Variants in ZFHX3 observed in about 807,000 individuals in gnomAD.
ZFHX3 encodes the protein zinc finger homeobox 3.
In ZFHX3, 42 loss-of-function variants were observed where a neutral mutation model predicts 279.1. The ratio of observed to expected loss-of-function variants is 0.15; its 90% confidence interval spans 0.12 to 0.19. The LOEUF is 0.19. Among genes scored for constraint, ZFHX3 ranks in the 10% least tolerant of loss-of-function variants. The probability of loss-of-function intolerance (pLI) is 1.00; values close to 1 mark genes in which losing one functional copy is unlikely to be tolerated. For missense variants in ZFHX3, 4,981 were observed against 4,754.0 expected, an observed-to-expected ratio of 1.05 and a Z score of -1.40; for synonymous variants, 2,293 against 1,957.8, an observed-to-expected ratio of 1.17 and a Z score of -4.52.
intron 2 of ZFHX3, among the ~76,000 whole-genome samples, chr16:73,458,797 A>T (rs1276170344): frequency 2.6e-5 from 4 of 152,182 alleles, no homozygotes; most frequent in African/African-American, 9.7e-5. Flanking sequence ...TCTGCTCTGT[A>T]AACTCTTTTC....
intron 1 of ZFHX3, among the ~76,000 whole-genome samples, chr16:73,039,702 T>C (rs918199726): frequency 6.6e-6 from 1 of 151,858 alleles, no homozygotes; most frequent in African/African-American, 2.4e-5. Flanking sequence ...TCTTTTTTTA[T>C]TTTTTTATTT....
At chr16:73,256,215 T>C (rs887571032) in intron 5 of ZFHX3, among the ~76,000 whole-genome samples, 2 of 152,080 alleles carry the variant, frequency 1.3e-5, no homozygotes, top group Non-Finnish European at 2.9e-5. Flanking sequence ...CCAATGAGCC[T>C]ACACCAGACA....
At chr16:73,688,922 C>T (rs1374757173) in intron 1 of ZFHX3, among the ~76,000 whole-genome samples, 1 of 152,144 alleles carries the variant, frequency 6.6e-6, no homozygotes, top group Non-Finnish European at 1.5e-5. Context: ...TGCCTTTCAC[C>T]TTCCACCATG....
chr16:72,877,684 A>C (rs1450495379), intron 4 of ZFHX3, among the ~76,000 whole-genome samples: 2 of 152,180 alleles, frequency 1.3e-5, no homozygotes, highest in African/African-American at 2.4e-5. Flanking sequence ...TAGAAAAAAA[A>C]CTTCTGATCC....
intron 2 of ZFHX3, among the ~76,000 whole-genome samples, chr16:73,626,228 G>A (rs2052415270): frequency 6.6e-6 from 1 of 152,064 alleles, no homozygotes; most frequent in African/African-American, 2.4e-5. Flanking sequence ...CAAATCTGTT[G>A]GTTTTCACTT....
At chr16:73,158,181 G>C (rs569893217) in intron 5 of ZFHX3, among the ~76,000 whole-genome samples, 1 of 152,254 alleles carries the variant, frequency 6.6e-6, no homozygotes, top group East Asian at 1.9e-4. Context: ...AGCAGCCCCG[G>C]CATTTACCAC....
intron 1 of ZFHX3, among the ~76,000 whole-genome samples, chr16:73,798,118 C>A (rs958941831): frequency 6.6e-6 from 1 of 152,026 alleles, no homozygotes; most frequent in Non-Finnish European, 1.5e-5. Flanking sequence ...CCTTCTGAGA[C>A]TTTCAGTAAC....
At chr16:73,586,279 C>G (rs1221315188) in intron 2 of ZFHX3, among the ~76,000 whole-genome samples, 1 of 149,876 alleles carries the variant, frequency 6.7e-6, no homozygotes, top group Non-Finnish European at 1.5e-5. Context: ...ATCCCAGCTA[C>G]TCAGGAGGCT....
chr16:72,797,480 TTGTTGTTGCTGTTGCTGCTGC>T lies in ZFHX3; in HGVS notation c.5181_5201del (p.Gln1735_Gln1741del), dbSNP rs1416683043. ...GTGCTTGTTGTTGTTGTTGTTGTTG[TTGTTGTTGCTGTTGCTGCTGC>T]TGTTGTTGCTGCTGCCTGGATGCAA... On this transcript the variant is annotated inframe_deletion, in exon 9 of 10. Coordinates refer to ENST00000268489, the MANE Select transcript of ZFHX3 (RefSeq NM_006885.4). 5.0e-6 allele frequency: 8 copies of T among 1,613,170 alleles called. No homozygotes were observed. Among genetic ancestry groups the T allele is most frequent in the East Asian group, 2.2e-5 (1 of 44,864 alleles).
At chr16:73,488,387 C>T (rs771449535) in intron 2 of ZFHX3, among the ~76,000 whole-genome samples, 29 of 152,020 alleles carry the variant, frequency 1.9e-4, no homozygotes, top group South Asian at 4.2e-4. Context: ...TAAAGGAAGG[C>T]GAGAGTGATG....
intron 3 of ZFHX3, among the ~76,000 whole-genome samples, chr16:73,384,130 C>G (rs2016859847): frequency 1.3e-5 from 2 of 152,224 alleles, no homozygotes; most frequent in African/African-American, 4.8e-5. Context: ...ATGTCAGATG[C>G]TCTTGGCCAG....
Position 72,783,583 on chromosome 16 carries a change from G to GTAAT in ZFHX3, c.*3577_*3580dup, listed in dbSNP as rs1337145959. Reference sequence around the variant, plus strand: ...CCACATTCATCTCTTTAAATAGCTTGTAATTAAAAAAAAAATTCCTAGATG... The same window carrying GTAAT: ...CCACATTCATCTCTTTAAATAGCTTGTAATTAATTAAAAAAAAAATTCCTAGATG... On this transcript the variant is annotated 3_prime_UTR_variant, in exon 10 of 10. Coordinates refer to ENST00000268489, the MANE Select transcript of ZFHX3 (RefSeq NM_006885.4). 6.6e-6 allele frequency: 1 copy of GTAAT among 151,896 alleles called. No homozygotes were observed. The highest frequency in any genetic ancestry group is 1.9e-4 in the East Asian group (1 of 5,150). 9.4% of individuals were successfully genotyped at this position (151,896 alleles called of 1,614,324 possible).
rs74030219 is a variant in ZFHX3 at position 73,047,599 on chromosome 16, T to C, written c.-50+153A>G. Among the ~76,000 whole-genome samples the C allele has an allele frequency of 7.0e-3, 1,060 of 152,238 alleles. 11 individuals carry two copies. Among genetic ancestry groups the C allele is most frequent in the African/African-American group, 0.023 (976 of 41,552 alleles). On this transcript the variant is annotated intron_variant, in intron 1 of 9. Transcript: ENST00000268489. ...CAGCAGAATTTAGGCGCTCTCACCC[T>C]AGGTAGGTGGCAACTGGAGTCTGGG...
At chr16:73,504,019 C>T (rs1265970889) in intron 2 of ZFHX3, among the ~76,000 whole-genome samples, 2 of 152,044 alleles carry the variant, frequency 1.3e-5, no homozygotes, top group African/African-American at 2.4e-5. Context: ...TGGAGAAATA[C>T]GCTTACTGTT....
intron 9 of ZFHX3, among the ~76,000 whole-genome samples, chr16:72,791,872 A>G (rs1467640097): frequency 6.6e-6 from 1 of 152,252 alleles, no homozygotes; most frequent in East Asian, 1.9e-4. Context: ...TATGTTTGGT[A>G]AAACACCACT....
intron 1 of ZFHX3, among the ~76,000 whole-genome samples, chr16:73,799,441 C>A (rs867857359): frequency 5.9e-5 from 9 of 152,152 alleles, no homozygotes; most frequent in South Asian, 2.1e-4. Context: ...TGAATTGAGG[C>A]AGGTTTCTTT....
chr16:73,809,103 C>T (rs1023099988), intron 1 of ZFHX3: 1 of 152,142 alleles, frequency 6.6e-6, no homozygotes, highest in African/African-American at 2.4e-5. Context: ...GGAGGAGGTA[C>T]CAAACGGCAG....
At chr16:73,680,256 A>C (rs2052996728) in intron 1 of ZFHX3, 2 of 152,136 alleles carry the variant, frequency 1.3e-5, no homozygotes, top group African/African-American at 4.8e-5. Context: ...AATATGAAAA[A>C]AAAAAGTTTA....
intron 3 of ZFHX3, among the ~76,000 whole-genome samples, chr16:73,374,583 A>G (rs910553196): frequency 6.6e-6 from 1 of 152,260 alleles, no homozygotes; most frequent in Admixed American, 6.5e-5. Context: ...ACATCCAGGC[A>G]ATATTCAAAT....
Sources: gnomAD v4.1 joint callset for allele counts (sites outside exome capture counted in the v4.1 genomes callset) on GRCh38, gnomAD v4.1.1 for gene constraint, MANE v1.5 for transcripts, NCBI Gene and HGNC (gene_info 2026-07-23, HGNC 2026-07-21) for gene names.